The following PLXDC2 variants were observed in gnomAD, a reference collection of about 807,000 sequenced individuals.
The protein encoded by PLXDC2 is plexin domain containing 2, also known as plexin domain-containing protein 2.
Under a neutral mutation model 68.9 loss-of-function variants are expected in PLXDC2, and 40 were observed. That is an observed-to-expected ratio of 0.58 (90% CI 0.45 to 0.76). PLXDC2 has a LOEUF of 0.76. Ranked by LOEUF, PLXDC2 falls within the 30% of genes least tolerant of loss-of-function variation. The pLI is 0.00. For missense variants in PLXDC2, 644 were observed against 661.9 expected, an observed-to-expected ratio of 0.97 and a Z score of 0.30; for synonymous variants, 243 against 234.2, an observed-to-expected ratio of 1.04 and a Z score of -0.34.
chr10:20,250,271 C>CAAAAAAAA (rs35463564), intron 13 of PLXDC2, among the ~76,000 whole-genome samples: 1 of 108,470 alleles, frequency 9.2e-6, no homozygotes, highest in East Asian at 3.3e-4. Context: ...GATCCTGTTT[C>CAAAAAAAA]AAAAAAAAAA....
At chr10:20,109,673 A>G (rs1014638821) in intron 4 of PLXDC2, among the ~76,000 whole-genome samples, 3 of 152,232 alleles carry the variant, frequency 2.0e-5, no homozygotes, top group African/African-American at 7.2e-5. Flanking sequence ...TTATAAGGCC[A>G]TCTCAGTGAA....
intron 1 of PLXDC2, among the ~76,000 whole-genome samples, chr10:19,830,816 C>T (rs1337815779): frequency 1.3e-5 from 2 of 152,036 alleles, no homozygotes. Context: ...TTGGACTGCC[C>T]AATGTGATAA....
intron 4 of PLXDC2, among the ~76,000 whole-genome samples, chr10:20,138,407 C>T (rs541076056): frequency 1.3e-5 from 2 of 152,176 alleles, no homozygotes; most frequent in Non-Finnish European, 2.9e-5. Context: ...GCCTAACTTT[C>T]TGTCTTCTAA....
intron 1 of PLXDC2, among the ~76,000 whole-genome samples, chr10:19,997,142 C>T (rs1458907198): frequency 6.6e-6 from 1 of 152,204 alleles, no homozygotes; most frequent in Non-Finnish European, 1.5e-5. Context: ...CTGAACCAAA[C>T]ATTCTGTAAG....
At chr10:20,263,256 G>T (rs925868106) in intron 13 of PLXDC2, among the ~76,000 whole-genome samples, 8 of 152,044 alleles carry the variant, frequency 5.3e-5, no homozygotes, top group Non-Finnish European at 7.4e-5. Flanking sequence ...AAACAATGGG[G>T]AAAAGACTCC....
intron 12 of PLXDC2, among the ~76,000 whole-genome samples, chr10:20,235,722 A>C (rs1835423719): frequency 6.6e-6 from 1 of 152,156 alleles, no homozygotes; most frequent in African/African-American, 2.4e-5. Flanking sequence ...AGTGAAGGGG[A>C]TTTTTCTTCC....
intron 1 of PLXDC2, among the ~76,000 whole-genome samples, chr10:19,928,899 C>T (rs955683311): frequency 4.0e-5 from 6 of 151,426 alleles, no homozygotes; most frequent in Non-Finnish European, 5.9e-5. Context: ...GGATTACAGG[C>T]GTGTGCCACC....
intron 1 of PLXDC2, among the ~76,000 whole-genome samples, chr10:19,950,616 C>G (rs2131406286): frequency 6.6e-6 from 1 of 152,266 alleles, no homozygotes; most frequent in African/African-American, 2.4e-5. Flanking sequence ...TATGAAACTA[C>G]CAATGACATT....
intron 8 of PLXDC2, 34 bp downstream of exon 8, chr10:20,177,128 G>C (rs773052688): frequency 6.6e-7 from 1 of 1,505,554 alleles, no homozygotes; most frequent in East Asian, 2.3e-5. Flanking sequence ...TGGAAAACAT[G>C]ATTTCTAAAT....
intron 1 of PLXDC2, among the ~76,000 whole-genome samples, chr10:19,949,893 A>G (rs1052245337): frequency 7.2e-5 from 11 of 152,228 alleles, no homozygotes; most frequent in Non-Finnish European, 1.6e-4. Context: ...CATGCTCAAT[A>G]TATGATAGGC....
chr10:20,273,583 G>T (rs1027181228), intron 13 of PLXDC2, among the ~76,000 whole-genome samples: 4 of 152,164 alleles, frequency 2.6e-5, no homozygotes, highest in African/African-American at 9.7e-5. Flanking sequence ...ATATATGTAT[G>T]TTGACTGCAT....
At chr10:19,868,639 AGTAG>A (rs1385520300) in intron 1 of PLXDC2, among the ~76,000 whole-genome samples, 1 of 152,236 alleles carries the variant, frequency 6.6e-6, no homozygotes, top group Non-Finnish European at 1.5e-5. Flanking sequence ...TTACCCAGTC[AGTAG>A]GTAGAGACCA....
At chr10:20,040,187 C>T (rs1266991623) in intron 2 of PLXDC2, among the ~76,000 whole-genome samples, 1 of 152,122 alleles carries the variant, frequency 6.6e-6, no homozygotes, top group Non-Finnish European at 1.5e-5. Context: ...CTTAGCCAAT[C>T]ATCTGAGGCA....
At chr10:19,828,680 C>T (rs1054697545) in intron 1 of PLXDC2, among the ~76,000 whole-genome samples, 9 of 152,184 alleles carry the variant, frequency 5.9e-5, no homozygotes, top group African/African-American at 2.2e-4. Flanking sequence ...CAGCTCCATG[C>T]AGGAAGCCAG....
intron 4 of PLXDC2, among the ~76,000 whole-genome samples, chr10:20,082,897 A>G (rs1020206621): frequency 6.6e-6 from 1 of 152,200 alleles, no homozygotes; most frequent in African/African-American, 2.4e-5. Context: ...ATTTAAAAAA[A>G]CAGAACACCA....
chr10:19,989,795 GT>G (rs1307029032), intron 1 of PLXDC2, among the ~76,000 whole-genome samples: 1 of 143,424 alleles, frequency 7.0e-6, no homozygotes, highest in African/African-American at 2.6e-5. Context: ...TGTCACCCAG[GT>G]TGGAGTGCAG....
intron 3 of PLXDC2, among the ~76,000 whole-genome samples, chr10:20,053,805 CT>C (rs1835946587): frequency 6.6e-6 from 1 of 152,020 alleles, no homozygotes; most frequent in African/African-American, 2.4e-5. Flanking sequence ...ATTCTGGCCT[CT>C]TTGCACCTCA....
At chr10:20,085,874 C>A (rs936335387) in intron 4 of PLXDC2, among the ~76,000 whole-genome samples, 1 of 152,160 alleles carries the variant, frequency 6.6e-6, no homozygotes, top group African/African-American at 2.4e-5. Context: ...TTATAAAAAT[C>A]ATTCTATTTG....
intron 2 of PLXDC2, 126 bp downstream of exon 2, chr10:20,002,112 C>T: frequency 2.2e-6 from 2 of 912,560 alleles, no homozygotes. Context: ...TTTTAAAGAA[C>T]AATTTAATTC....
Sources: allele counts gnomAD v4.1 joint callset (sites outside exome capture counted in the v4.1 genomes callset), GRCh38; gene constraint gnomAD v4.1.1; transcripts MANE v1.5; gene names NCBI Gene and HGNC (gene_info 2026-07-23, HGNC 2026-07-21).